The following ZNF446 variants were observed in gnomAD, a reference collection of about 807,000 sequenced individuals.
The protein encoded by ZNF446 is zinc finger protein with KRAB and SCAN domains 20.
In ZNF446, 42 loss-of-function variants were observed where a neutral mutation model predicts 34.0. The observed-to-expected ratio is 1.23, with a 90% CI of 0.96 to 1.60. The LOEUF (loss-of-function observed/expected upper bound fraction) is 1.60. Among genes scored for constraint, ZNF446 ranks in the 40% most tolerant of loss-of-function variants. The pLI is 0.00. For synonymous variants in ZNF446, 315 were observed against 251.0 expected (o/e 1.25, Z -2.41); for missense variants, 650 against 600.2 (o/e 1.08, Z -0.87).
rs752769856 is a variant in ZNF446, at chr19:58,477,726, G to A, written c.432G>A (p.Val144=). ...PLGSPHPSGT[V]ESPGEGPQDT... is the part of the protein sequence containing the mutation. ...GGAGCCCCCACCCCTCAGGGACAGT[G>A]GAGTCCCCTGGGGAAGGTCCCCAGG... Residue 144 remains valine (V), a synonymous_variant, in exon 3 of 7, where the codon GTG becomes GTA. Coordinates refer to ENST00000594369, the MANE Select transcript of ZNF446 (RefSeq NM_017908.4). The A allele has an allele frequency of 9.3e-6, 15 of 1,613,766 alleles. No individual in the cohort carries two copies. The highest frequency in any genetic ancestry group is 7.7e-5 in the South Asian group (7 of 91,080).
At chr19:58,487,547 G>A in the ZNF446 span, among the ~76,000 whole-genome samples, 23,542 of 152,150 alleles carry the variant, frequency 0.15, 2,005 homozygotes, top group Non-Finnish European at 0.19. Flanking sequence ...GGTGGCTCAC[G>A]CCTGTAATCC....
chr19:58,480,218 C>A lies in ZNF446; in HGVS notation c.845C>A (p.Pro282Gln), dbSNP rs112871920. The change falls in exon 7 of 7, where the codon CCG becomes CAG. Residue 282 changes from proline (P) to glutamine (Q), a missense_variant. By Grantham distance (76) the Pro-to-Gln change is moderately conservative (BLOSUM62 -1). Transcript: ENST00000594369. The surrounding 1 kb of genome is among the most constrained non-coding windows in gnomAD (Gnocchi z 7.2). ...CCACCTGGCTGCCCAGAGGCCCAGC[C>A]GCCCCAGGGCCCAGGGCCGGCAGCC... ...EGPPGCPEAQ[P>Q]PQGPGPAAWE... is the part of the protein sequence containing the mutation. 1 of 1,596,500 alleles carries A rather than the reference C, an allele frequency of 6.3e-7. No homozygotes were observed. The highest frequency in any genetic ancestry group is 1.3e-5 in the African/African-American group (1 of 74,892).
chr19:58,484,931 G>A (rs1020789976), downstream of ZNF446, among the ~76,000 whole-genome samples: 4 of 151,578 alleles, frequency 2.6e-5, no homozygotes, highest in South Asian at 2.1e-4. Context: ...GGTGGTGCAC[G>A]CCTGTTGTCC....
the ZNF446 span, among the ~76,000 whole-genome samples, chr19:58,487,808 C>CA: frequency 6.6e-6 from 1 of 152,054 alleles, no homozygotes; most frequent in Non-Finnish European, 1.5e-5. Context: ...GACTCTATCT[C>CA]AAAAAACAAA....
chr19:58,480,464 G>T lies in ZNF446; in HGVS notation c.1091G>T (p.Gly364Val), dbSNP rs61731808. 6.2e-7 allele frequency: 1 copy of T among 1,612,742 alleles called. No homozygotes were observed. The highest frequency in any genetic ancestry group is 8.5e-7 in the Non-Finnish European group (1 of 1,179,920). Residue 364 changes from glycine (G) to valine (V), a missense_variant, in exon 7 of 7, where the codon GGG becomes GTG. Physicochemically the swap from Gly to Val is moderately radical, Grantham distance 109. Coordinates refer to ENST00000594369, the MANE Select transcript of ZNF446 (RefSeq NM_017908.4). The surrounding 1 kb of genome is among the most constrained non-coding windows in gnomAD (Gnocchi z 7.2). ...HTSGPGVQSP[G>V]LATGESTEKP... The stretch of plus-strand genomic sequence containing the variant: ...AGTGGGCCAGGTGTGCAGTCCCCGG[G>T]GCTAGCCACCGGGGAAAGCACAGAG...
At position 58,480,894 on chromosome 19, in the gene ZNF446, C is replaced by T. The variant is rs987679405; in HGVS notation, c.*168C>T. 2 of 785,838 alleles carry T rather than the reference C, an allele frequency of 2.5e-6. No individual in the cohort carries two copies. The highest frequency in any genetic ancestry group is 2.0e-6 in the Non-Finnish European group (1 of 507,322). The allele number at this position is 785,838 out of a possible 1,614,324, so 48.7% of individuals were successfully genotyped here. On this transcript the variant is annotated 3_prime_UTR_variant, in exon 7 of 7. Coordinates refer to ENST00000594369, the MANE Select transcript of ZNF446 (RefSeq NM_017908.4). This position sits in a 1 kb window ranked among gnomAD's most constrained non-coding sequence, Gnocchi z 7.2. Reference sequence around the variant, plus strand: ...TGGTCTCCCCCAAAAGACCTGGGTGCAAGGAAAAGGAGCTGCTCTCTCTCT... The same window carrying T: ...TGGTCTCCCCCAAAAGACCTGGGTGTAAGGAAAAGGAGCTGCTCTCTCTCT...
chr19:58,477,961 G>A, intron 3 of ZNF446, 126 bp from the exon 4 acceptor site: 2 of 1,306,236 alleles, frequency 1.5e-6, no homozygotes, highest in South Asian at 1.5e-5. Flanking sequence ...TGTCTGGGAT[G>A]GGGACCTGGG....
the ZNF446 span, among the ~76,000 whole-genome samples, chr19:58,486,292 T>C: frequency 9.2e-5 from 14 of 151,954 alleles, no homozygotes; most frequent in African/African-American, 3.1e-4. Context: ...GGTTTCACCA[T>C]GTTAGCCAGG....
the ZNF446 span, among the ~76,000 whole-genome samples, chr19:58,488,435 C>T: frequency 1.3e-5 from 2 of 152,150 alleles, no homozygotes; most frequent in Admixed American, 6.6e-5. Context: ...GGTTGGTATT[C>T]GTAGCATTGT....
At chr19:58,479,404 C>G (rs1029384813) in intron 4 of ZNF446, 3 of 529,430 alleles carry the variant, frequency 5.7e-6, no homozygotes, top group Non-Finnish European at 1.0e-5. Context: ...GCTGCCAAAC[C>G]TGCCCTCTGA....
downstream of ZNF446, chr19:58,483,821 G>A (rs76371432): frequency 3.6e-4 from 55 of 152,258 alleles, no homozygotes; most frequent in African/African-American, 9.4e-4. Flanking sequence ...CAATTTTAGT[G>A]TATGTACTAT....
In ZNF446 at chr19:58,480,474, C is replaced by A. The variant is rs761214884; in HGVS notation, c.1101C>A (p.Thr367=). 4 of 1,612,908 alleles carry A rather than the reference C, an allele frequency of 2.5e-6. No homozygotes were observed. The highest frequency in any genetic ancestry group is 3.4e-6 in the Non-Finnish European group (4 of 1,179,960). ...GPGVQSPGLA[T]GESTEKPPQG... is the part of the protein sequence containing the mutation. ...GTGTGCAGTCCCCGGGGCTAGCCACCGGGGAAAGCACAGAGAAGCCACCAC... is the reference window on the plus strand; with the variant it reads ...GTGTGCAGTCCCCGGGGCTAGCCACAGGGGAAAGCACAGAGAAGCCACCAC... Residue 367 remains threonine, a synonymous_variant, in exon 7 of 7, where the codon ACC becomes ACA. Transcript: ENST00000594369. This position sits in a 1 kb window ranked among gnomAD's most constrained non-coding sequence, Gnocchi z 7.2.
chr19:58,478,042 G>A (rs2053104627), intron 3 of ZNF446, 45 bp from the exon 4 acceptor site: 1 of 1,557,822 alleles, frequency 6.4e-7, no homozygotes, highest in Admixed American at 1.8e-5. Flanking sequence ...CATGGCTCAT[G>A]TGGGCAGCCC....
At chr19:58,485,087 A>G (rs34488713), downstream of ZNF446, among the ~76,000 whole-genome samples, 5,108 of 152,268 alleles carry the variant, frequency 0.034, 121 homozygotes, top group Non-Finnish European at 0.052. Context: ...TGATCCAACA[A>G]AAAGATTCTA....
At position 58,477,258 on chromosome 19, in the gene ZNF446, G is replaced by A; in HGVS notation, c.40G>A (p.Asp14Asn). Residue 14 changes from aspartate to asparagine, a missense_variant, in exon 2 of 7, where the codon GAC (aspartate) becomes AAC (asparagine). Asp to Asn is a conservative substitution (Grantham distance 23). Transcript: ENST00000594369. ...PLGPPCLPVMDPETTLEEPET... is the reference protein window; with the variant it reads ...PLGPPCLPVMNPETTLEEPET... ...GGGTCCCCCATGCCTGCCCGTCATG[G>A]ACCCAGAGACCACCCTTGAGGAGCC... The A allele has an allele frequency of 6.2e-7, 1 of 1,602,158 alleles. No homozygotes were observed. The highest frequency in any genetic ancestry group is 8.5e-7 in the Non-Finnish European group (1 of 1,172,798).
chr19:58,481,080 A>G lies in ZNF446; in HGVS notation c.*354A>G. The G allele has an allele frequency of 3.4e-6, 1 of 292,004 alleles. No homozygotes were observed. Among genetic ancestry groups the G allele is most frequent in the Non-Finnish European group, 6.5e-6 (1 of 152,788 alleles). The allele number at this position is 292,004 out of a possible 1,614,324, so 18.1% of individuals were successfully genotyped here. A position where few individuals can be genotyped will look rare whatever the true frequency, so the allele number is the denominator to read the frequency against. On this transcript the variant is annotated 3_prime_UTR_variant, in exon 7 of 7. Coordinates refer to ENST00000594369, the MANE Select transcript of ZNF446 (RefSeq NM_017908.4). ...CCTCCTTGCCTCAGGTGGGTGTTCA[A>G]AAACTGTGCCTTCCCACTCGTCTGT... is the stretch of plus-strand genomic sequence containing the variant.
intron 2 of ZNF446, 22 bp from the exon 3 acceptor site, chr19:58,477,615 G>A (rs373714225): frequency 6.2e-7 from 1 of 1,613,642 alleles, no homozygotes; most frequent in Non-Finnish European, 8.5e-7. Context: ...TAGAGCCATT[G>A]TGACCTACCT....
At chr19:58,486,598 G>A in the ZNF446 span, among the ~76,000 whole-genome samples, 8 of 150,884 alleles carry the variant, frequency 5.3e-5, no homozygotes, top group Admixed American at 4.0e-4. Context: ...AGTAGAGGCG[G>A]GGTTTCACCA....
chr19:58,479,794 G>A, intron 5 of ZNF446, 67 bp downstream of exon 5: 8 of 1,532,598 alleles, frequency 5.2e-6, no homozygotes, highest in Non-Finnish European at 7.1e-6. Context: ...AGCAGGCCTA[G>A]CTGGGCAGGG....
Sources: gnomAD v4.1 joint callset for allele counts (sites outside exome capture counted in the v4.1 genomes callset) on GRCh38, gnomAD v4.1.1 for gene constraint, Gnocchi (gnomAD v3.1) non-coding constraint, MANE v1.5 for transcripts, NCBI Gene and HGNC (gene_info 2026-07-23, HGNC 2026-07-21) for gene names.